Variants in PCDHGB3 observed in about 807,000 individuals in gnomAD.
PCDHGB3 encodes protocadherin gamma subfamily B, 3.
PCDHGB3 carries 40 observed loss-of-function variants against 59.2 expected under a neutral mutation model. The ratio of observed to expected loss-of-function variants is 0.68; its 90% CI spans 0.52 to 0.88. PCDHGB3 has a LOEUF of 0.88. PCDHGB3 is among the 40% of genes least tolerant of loss of function. PCDHGB3 has a pLI of 0.00. For synonymous variants in PCDHGB3, 581 were observed against 503.6 expected (o/e 1.15, Z -2.06); for missense variants, 1,309 against 1,187.9 (o/e 1.10, Z -1.50).
In PCDHGB3 at chr5:141,489,098, T is replaced by C; in HGVS notation, c.2416-5709T>C. 1 of 293,346 alleles carries C rather than the reference T, an allele frequency of 3.4e-6. No homozygotes were observed. The highest frequency in any genetic ancestry group is 5.5e-5 in the South Asian group (1 of 18,124). The allele number at this position is 293,346 out of a possible 1,614,324, so 18.2% of individuals were successfully genotyped here. A position where few individuals can be genotyped will look rare whatever the true frequency, so the allele number is the denominator to read the frequency against. ...CCCCCGCCACTCGGTGACTAAGAAC[T>C]GCTGCAAGCAGGCAAACCTCCGAGC... On this transcript the variant is annotated intron_variant, in intron 1 of 3. Transcript: ENST00000576222. The surrounding 1 kb of genome is among the most constrained non-coding windows in gnomAD (Gnocchi z 4.5).
intron 1 of PCDHGB3, chr5:141,389,934 G>A (rs746045897): frequency 6.2e-7 from 1 of 1,614,064 alleles, no homozygotes; most frequent in East Asian, 2.2e-5. Flanking sequence ...TGACCTCCAG[G>A]CTGAGCTGCA....
rs752796935 is a variant in PCDHGB3, at chr5:141,399,900, C to T, written c.2415+27091C>T. ...TGGTGACCAAGGTAGTGGCCGTGGACGCAGACTCAGGACACAACGCCTGGC... is the reference window on the plus strand; with the variant it reads ...TGGTGACCAAGGTAGTGGCCGTGGATGCAGACTCAGGACACAACGCCTGGC... On this transcript the variant is annotated intron_variant, in intron 1 of 3. Coordinates refer to ENST00000576222, the MANE Select transcript of PCDHGB3 (RefSeq NM_018924.5). The T allele has an allele frequency of 7.4e-6, 12 of 1,612,414 alleles. 1 individual carries two copies. In the South Asian group the frequency reaches 9.9e-5, roughly 13 times the overall value.
At position 141,486,370 on chromosome 5, in the gene PCDHGB3, T is replaced by C. The variant is rs755925357; in HGVS notation, c.2416-8437T>C. Reference sequence around the variant, plus strand: ...ACCACTTGCCATTTGCCCTCAAGTCTGCCTTCAGGAACCAGTTCTCCCTGG... The same window carrying C: ...ACCACTTGCCATTTGCCCTCAAGTCCGCCTTCAGGAACCAGTTCTCCCTGG... On this transcript the variant is annotated intron_variant, in intron 1 of 3. Coordinates refer to ENST00000576222, the MANE Select transcript of PCDHGB3 (RefSeq NM_018924.5). The surrounding 1 kb of genome is among the most constrained non-coding windows in gnomAD (Gnocchi z 5.0). 8 of 1,613,988 alleles carry C rather than the reference T, an allele frequency of 5.0e-6. No individual in the cohort carries two copies. The Admixed American group carries it at 1.3e-4, about 27-fold the overall frequency.
Position 141,485,302 on chromosome 5 carries a change from T to C in PCDHGB3, c.2416-9505T>C. 1.2e-6 allele frequency: 2 copies of C among 1,614,152 alleles called. No homozygotes were observed. Among genetic ancestry groups the C allele is most frequent in the South Asian group, 2.2e-5 (2 of 91,078 alleles). On this transcript the variant is annotated intron_variant, in intron 1 of 3. Coordinates refer to ENST00000576222, the MANE Select transcript of PCDHGB3 (RefSeq NM_018924.5). This position sits in a 1 kb window ranked among gnomAD's most constrained non-coding sequence, Gnocchi z 5.7. ...TCCCAGAGGAGTCACAGGAAGGGAC[T>C]TTTGTAGGGAATGTCGCTCAAGATT... is the stretch of plus-strand genomic sequence containing the variant.
intron 1 of PCDHGB3, among the ~76,000 whole-genome samples, chr5:141,458,215 T>C (rs2098940075): frequency 1.3e-5 from 2 of 152,174 alleles, no homozygotes; most frequent in African/African-American, 2.4e-5. Context: ...TTAAAATAAG[T>C]TTCCTTTCCC....
intron 1 of PCDHGB3, chr5:141,427,676 T>G: frequency 1.2e-6 from 1 of 813,766 alleles, no homozygotes; most frequent in Non-Finnish European, 2.1e-6. Flanking sequence ...AAAACAACCT[T>G]CCCGGAGCCT....
intron 1 of PCDHGB3, among the ~76,000 whole-genome samples, chr5:141,444,152 ATTTTTTTTTTTTTTT>A (rs747671382): frequency 3.8e-4 from 13 of 33,894 alleles, no homozygotes; most frequent in East Asian, 1.0e-3. Context: ...TGTGTACTGG[ATTTTTTTTTTTTTTT>A]TTTTTTTTTT....
At position 141,371,115 on chromosome 5, in the gene PCDHGB3, G is replaced by C. The variant is rs757942462; in HGVS notation, c.721G>C (p.Val241Leu). ...CGCAGATGCAAATGATAACCCCCCAGTATTTACTCAGGACATGTACAGGGT... is the reference window on the plus strand; with the variant it reads ...CGCAGATGCAAATGATAACCCCCCACTATTTACTCAGGACATGTACAGGGT... ...IVADANDNPP[V>L]FTQDMYRVNV... Residue 241 changes from valine to leucine, a missense_variant, in exon 1 of 4, where the codon GTA becomes CTA. By Grantham distance (32) the Val-to-Leu change is conservative. Transcript: ENST00000576222. The C allele has an allele frequency of 1.3e-5, 21 of 1,613,902 alleles. No individual in the cohort carries two copies. Among genetic ancestry groups the C allele is most frequent in the Non-Finnish European group, 1.8e-5 (21 of 1,179,878 alleles).
At chr5:141,465,141 A>AT (rs1341872532) in intron 1 of PCDHGB3, among the ~76,000 whole-genome samples, 2 of 151,678 alleles carry the variant, frequency 1.3e-5, no homozygotes, top group Non-Finnish European at 2.9e-5. Flanking sequence ...AGTTTAGGGG[A>AT]TATATGAAGG....
At chr5:141,422,053 G>A in intron 1 of PCDHGB3, 1 of 1,611,606 alleles carries the variant, frequency 6.2e-7, no homozygotes, top group Non-Finnish European at 8.5e-7. Context: ...GGGAATCAAC[G>A]GGGAAGTAAT....
chr5:141,418,079 C>A, intron 1 of PCDHGB3: 1 of 1,614,048 alleles, frequency 6.2e-7, no homozygotes, highest in Non-Finnish European at 8.5e-7. Context: ...GGAGAAGCTG[C>A]ACTTCAGCGT....
chr5:141,474,056 C>T (rs576482294), intron 1 of PCDHGB3, among the ~76,000 whole-genome samples: 37 of 152,136 alleles, frequency 2.4e-4, no homozygotes, highest in Non-Finnish European at 4.9e-4. Flanking sequence ...GATGACAGAG[C>T]GAGATCCTGC....
intron 1 of PCDHGB3, chr5:141,404,273 C>G (rs751189949): frequency 6.2e-7 from 1 of 1,613,870 alleles, no homozygotes; most frequent in African/African-American, 1.3e-5. Flanking sequence ...CATCACCCTG[C>G]AAGTGACTGA....
intron 1 of PCDHGB3, chr5:141,398,931 C>G (rs1442157400): frequency 6.2e-7 from 1 of 1,613,956 alleles, no homozygotes; most frequent in Admixed American, 1.7e-5. Flanking sequence ...CAGCCACTGA[C>G]CAAGACGAGG....
chr5:141,448,099 T>C (rs1002430560), intron 1 of PCDHGB3, among the ~76,000 whole-genome samples: 1 of 151,272 alleles, frequency 6.6e-6, no homozygotes, highest in African/African-American at 2.4e-5. Context: ...AAAAAAAAAA[T>C]TAAAAGAAAA....
At position 141,421,063 on chromosome 5, in the gene PCDHGB3, G is replaced by A. The variant is rs575695102; in HGVS notation, c.2415+48254G>A. 4.7e-4 allele frequency: 274 copies of A among 581,982 alleles called. 4 individuals are homozygous for A. The South Asian group carries it at 6.4e-3, about 14-fold the overall frequency. 36.1% of individuals were successfully genotyped at this position (581,982 alleles called of 1,614,324 possible). On this transcript the variant is annotated intron_variant, in intron 1 of 3. Transcript: ENST00000576222. ...CTCCCCCGCCTCTACCACACAAAGC[G>A]GAATGAGATGGATACTCACAGATCC... is the stretch of plus-strand genomic sequence containing the variant.
chr5:141,400,639 C>A, intron 1 of PCDHGB3: 1 of 1,310,186 alleles, frequency 7.6e-7, no homozygotes, highest in Non-Finnish European at 1.1e-6. Context: ...CAGAGCTGCT[C>A]AGAAAGCTGT....
In PCDHGB3 at chr5:141,512,843, T is replaced by G. The variant is rs2099884463; in HGVS notation, c.*1670T>G. ...CCCTCCCCCGTACTGACTTCTCCTATAAGCGCTTCTCTTCGCATAGTCACG... is the reference window on the plus strand; with the variant it reads ...CCCTCCCCCGTACTGACTTCTCCTAGAAGCGCTTCTCTTCGCATAGTCACG... On this transcript the variant is annotated 3_prime_UTR_variant, in exon 4 of 4. Coordinates refer to ENST00000576222, the MANE Select transcript of PCDHGB3 (RefSeq NM_018924.5). 6.6e-6 allele frequency: 1 copy of G among 152,290 alleles called. No individual in the cohort carries two copies. The highest frequency in any genetic ancestry group is 1.5e-5 in the Non-Finnish European group (1 of 68,088). 9.4% of individuals were successfully genotyped at this position (152,290 alleles called of 1,614,324 possible).
At chr5:141,427,965 C>G in intron 1 of PCDHGB3, 1 of 1,590,342 alleles carries the variant, frequency 6.3e-7, no homozygotes, top group Non-Finnish European at 8.6e-7. Flanking sequence ...GCCGCGGGTG[C>G]TGTACCCCGC....
Sources: gnomAD v4.1 joint callset for allele counts (sites outside exome capture counted in the v4.1 genomes callset) on GRCh38, gnomAD v4.1.1 for gene constraint, Gnocchi (gnomAD v3.1) non-coding constraint, MANE v1.5 for transcripts, NCBI Gene and HGNC (gene_info 2026-07-23, HGNC 2026-07-21) for gene names.